The following DDX50 variants were observed in gnomAD, a reference collection of about 807,000 sequenced individuals.
DDX50 encodes DExD-box helicase 50, also known as ATP-dependent RNA helicase DDX50.
Under a neutral mutation model 94.8 loss-of-function variants are expected in DDX50, and 56 were observed. The observed-to-expected ratio is 0.59, with a 90% CI of 0.48 to 0.74. DDX50 has a LOEUF of 0.74. Among genes scored for constraint, DDX50 ranks in the 30% least tolerant of loss-of-function variants. The probability of loss-of-function intolerance (pLI) is 0.00; values close to 1 mark genes in which losing one functional copy is unlikely to be tolerated. For synonymous variants in DDX50, 264 were observed against 295.4 expected (o/e 0.89, Z 1.09); for missense variants, 713 against 881.2 (o/e 0.81, Z 2.42).
rs1048471517 is a variant in DDX50 at position 68,915,209 on chromosome 10, C to G, written c.1089+1005C>G. On this transcript the variant is annotated intron_variant, in intron 7 of 14. Coordinates refer to ENST00000373585, the MANE Select transcript of DDX50 (RefSeq NM_024045.2). ...CAGGCGGATAATGAGGTCAGGAGAT[C>G]GAGACCATCCTGGCTAACACGGTGA... 2.6e-5 allele frequency among the ~76,000 whole-genome samples: 4 copies of G among 151,384 alleles called. No individual in the cohort carries two copies. The South Asian group carries it at 6.3e-4, about 24-fold the overall frequency.
At chr10:68,914,713 G>A (rs1483925586) in intron 7 of DDX50, among the ~76,000 whole-genome samples, 1 of 152,196 alleles carries the variant, frequency 6.6e-6, no homozygotes, top group Non-Finnish European at 1.5e-5. Flanking sequence ...TTTCAGGAAA[G>A]GGAATGCTTT....
intron 1 of DDX50, among the ~76,000 whole-genome samples, chr10:68,903,580 C>T (rs1210221003): frequency 6.6e-6 from 1 of 151,964 alleles, no homozygotes; most frequent in African/African-American, 2.4e-5. Context: ...GCAGGTGGAT[C>T]ACCTAAGGTC....
At chr10:68,903,872 A>G (rs1350872412) in intron 1 of DDX50, among the ~76,000 whole-genome samples, 2 of 151,464 alleles carry the variant, frequency 1.3e-5, no homozygotes, top group African/African-American at 4.9e-5. Context: ...GCTACTCGGG[A>G]GGCTGAGATA....
intron 7 of DDX50, among the ~76,000 whole-genome samples, chr10:68,918,537 G>C (rs1841863665): frequency 7.0e-6 from 1 of 143,782 alleles, no homozygotes; most frequent in Non-Finnish European, 1.5e-5. Context: ...CCGGGTTCAA[G>C]CAATTCTCCT....
chr10:68,912,555 C>T (rs1335303183), intron 4 of DDX50, among the ~76,000 whole-genome samples: 5 of 152,180 alleles, frequency 3.3e-5, no homozygotes, highest in African/African-American at 4.8e-5. Context: ...AAAGATGTTA[C>T]TGGAGATTCC....
intron 8 of DDX50, among the ~76,000 whole-genome samples, chr10:68,929,666 C>T (rs934902945): frequency 7.3e-5 from 11 of 151,402 alleles, no homozygotes; most frequent in Non-Finnish European, 1.3e-4. Flanking sequence ...CCTCATGATC[C>T]GCCCACCTTG....
Position 68,946,396 on chromosome 10 carries a change from A to T in DDX50, c.1980A>T (p.Lys660Asn). 1 of 1,614,194 alleles carries T rather than the reference A, an allele frequency of 6.2e-7. No individual in the cohort carries two copies. The highest frequency in any genetic ancestry group is 1.1e-5 in the South Asian group (1 of 91,082). Residue 660 changes from lysine (K) to asparagine (N), a missense_variant, in exon 15 of 15, where the codon AAA becomes AAT. Lys to Asn is a moderately conservative substitution (Grantham distance 94, BLOSUM62 0). Coordinates refer to ENST00000373585, the MANE Select transcript of DDX50 (RefSeq NM_024045.2). ...ACTGGATACTCTCAGTGCCAGCCAAATTACCTGAAATTGAAGAATATTATG... is the reference window on the plus strand; with the variant it reads ...ACTGGATACTCTCAGTGCCAGCCAATTTACCTGAAATTGAAGAATATTATG... ...DSDWILSVPA[K>N]LPEIEEYYDG...
rs775412602 is a variant in DDX50 at position 68,941,176 on chromosome 10, C to T, written c.1872C>T (p.Cys624=). 1 of 1,612,680 alleles carries T rather than the reference C, an allele frequency of 6.2e-7. No individual in the cohort carries two copies. The highest frequency in any genetic ancestry group is 1.7e-5 in the Admixed American group (1 of 59,694). Residue 624 remains cysteine (C), a synonymous_variant, in exon 13 of 15, where the codon TGC becomes TGT. Coordinates refer to ENST00000373585, the MANE Select transcript of DDX50 (RefSeq NM_024045.2). Reference sequence around the variant, plus strand: ...CAGTGTCTCAGATTACCAGAATGTGCCTCCTGAAAGGAAATATGGTAGGCT... The same window carrying T: ...CAGTGTCTCAGATTACCAGAATGTGTCTCCTGAAAGGAAATATGGTAGGCT... ...SNAVSQITRM[C]LLKGNMGVCF...
In DDX50 at chr10:68,901,452, A is replaced by G; in HGVS notation, c.68A>G (p.Gln23Arg). The change falls in exon 1 of 15, where the codon CAG becomes CGG. Residue 23 changes from glutamine (Q) to arginine (R), a missense_variant. By Grantham distance (43) the Gln-to-Arg change is conservative. Coordinates refer to ENST00000373585, the MANE Select transcript of DDX50 (RefSeq NM_024045.2). ...LEAPLEESES[Q>R]KKERQKSDRR... ...GCACCCTTGGAGGAGTCCGAGAGCCAGAAGAAGGAGAGGCAAAAGGTGCGC... is the reference window on the plus strand; with the variant it reads ...GCACCCTTGGAGGAGTCCGAGAGCCGGAAGAAGGAGAGGCAAAAGGTGCGC... 1 of 1,573,544 alleles carries G rather than the reference A, an allele frequency of 6.4e-7. No homozygotes were observed. The highest frequency in any genetic ancestry group is 8.6e-7 in the Non-Finnish European group (1 of 1,160,014).
chr10:68,937,019 A>G lies in DDX50; in HGVS notation c.1679A>G (p.Asp560Gly). ...QRLIEEKGAV[D>G]ALAAALAHIS... ...CTGATAGAAGAGAAAGGTGCAGTGGATGCATTGGCTGCAGCTTTAGCCCAC... is the reference window on the plus strand; with the variant it reads ...CTGATAGAAGAGAAAGGTGCAGTGGGTGCATTGGCTGCAGCTTTAGCCCAC... Residue 560 changes from aspartate (D) to glycine (G), a missense_variant, in exon 12 of 15, where the codon GAT becomes GGT. By Grantham distance (94) the Asp-to-Gly change is moderately conservative (BLOSUM62 -1). Coordinates refer to ENST00000373585, the MANE Select transcript of DDX50 (RefSeq NM_024045.2). The G allele has an allele frequency of 6.2e-7, 1 of 1,612,646 alleles. No homozygotes were observed. The highest frequency in any genetic ancestry group is 2.2e-5 in the East Asian group (1 of 44,878).
chr10:68,927,215 A>G (rs1842116686), intron 8 of DDX50, among the ~76,000 whole-genome samples: 1 of 152,204 alleles, frequency 6.6e-6, no homozygotes, highest in Non-Finnish European at 1.5e-5. Context: ...CTGTGTTGCA[A>G]TTGAAAAATT....
Position 68,937,014 on chromosome 10 carries a change from A to C in DDX50, c.1674A>C (p.Ala558=). The C allele has an allele frequency of 6.2e-7, 1 of 1,612,590 alleles. No individual in the cohort carries two copies. The highest frequency in any genetic ancestry group is 2.2e-5 in the East Asian group (1 of 44,882). Residue 558 remains alanine (A), a synonymous_variant, in exon 12 of 15, where the codon GCA becomes GCC. Transcript: ENST00000373585. ...SAQRLIEEKG[A]VDALAAALAH... is the part of the protein sequence containing the mutation. ...AGAGACTGATAGAAGAGAAAGGTGCAGTGGATGCATTGGCTGCAGCTTTAG... is the reference window on the plus strand; with the variant it reads ...AGAGACTGATAGAAGAGAAAGGTGCCGTGGATGCATTGGCTGCAGCTTTAG...
chr10:68,925,756 G>A (rs900138702), intron 8 of DDX50, among the ~76,000 whole-genome samples: 6 of 152,218 alleles, frequency 3.9e-5, no homozygotes, highest in East Asian at 1.9e-4. Context: ...GCTCACGCCT[G>A]TAATCCTAGC....
In DDX50 at chr10:68,943,242, G is replaced by C. The variant is rs1404357989; in HGVS notation, c.1920G>C (p.Glu640Asp). The part of the protein sequence containing the change: ...MGVCFDVPTT[E>D]SERLQAEWHD... ...TTTGCTTTGATGTTCCTACAACTGA[G>C]TCAGAAAGGTTACAGGTATTTTTAA... Residue 640 changes from glutamate (E) to aspartate (D), a missense_variant, in exon 14 of 15, where the codon GAG becomes GAC. Coordinates refer to ENST00000373585, the MANE Select transcript of DDX50 (RefSeq NM_024045.2). 1 of 1,607,198 alleles carries C rather than the reference G, an allele frequency of 6.2e-7. No individual in the cohort carries two copies. The highest frequency in any genetic ancestry group is 8.5e-7 in the Non-Finnish European group (1 of 1,178,132).
intron 4 of DDX50, 32 bp from the exon 5 acceptor site, chr10:68,913,130 G>GT (rs1320159648): frequency 1.3e-6 from 2 of 1,540,998 alleles, no homozygotes; most frequent in Non-Finnish European, 1.8e-6. Flanking sequence ...CTTTAGAAAA[G>GT]TATCTTTTTG....
intron 4 of DDX50, among the ~76,000 whole-genome samples, chr10:68,912,258 A>T (rs1390387041): frequency 6.6e-6 from 1 of 151,720 alleles, no homozygotes; most frequent in South Asian, 2.1e-4. Context: ...GTTGCCCAGG[A>T]TGGAGTACAG....
chr10:68,904,763 A>C (rs952522888), intron 1 of DDX50, among the ~76,000 whole-genome samples: 1 of 152,234 alleles, frequency 6.6e-6, no homozygotes, highest in Non-Finnish European at 1.5e-5. Context: ...GGCTGAATCG[A>C]TAAATAATCT....
intron 8 of DDX50, among the ~76,000 whole-genome samples, chr10:68,925,308 T>G (rs1842056524): frequency 1.3e-5 from 2 of 151,602 alleles, no homozygotes; most frequent in African/African-American, 4.8e-5. Flanking sequence ...CAGGGTTTCT[T>G]CATATTTGTC....
chr10:68,932,971 T>C (rs1426387607), intron 8 of DDX50, among the ~76,000 whole-genome samples: 2 of 152,156 alleles, frequency 1.3e-5, no homozygotes, highest in Admixed American at 1.3e-4. Flanking sequence ...GAAATTCAAC[T>C]TCTAGATATG....
Sources: gnomAD v4.1 joint callset for allele counts (sites outside exome capture counted in the v4.1 genomes callset) on GRCh38, gnomAD v4.1.1 for gene constraint, MANE v1.5 for transcripts, NCBI Gene and HGNC (gene_info 2026-07-23, HGNC 2026-07-21) for gene names.